Variants in CFAP90 observed in about 807,000 individuals in gnomAD.
CFAP90 encodes the protein cilia and flagella associated protein 90.
the CFAP90 span, among the ~76,000 whole-genome samples, chr5:7,846,303 A>C: frequency 1.3e-5 from 2 of 152,174 alleles, no homozygotes; most frequent in East Asian, 3.9e-4. Context: ...ATAGAAATAA[A>C]CTAAACAGAA....
the CFAP90 span, among the ~76,000 whole-genome samples, chr5:7,837,880 G>C: frequency 1.3e-5 from 2 of 152,206 alleles, no homozygotes; most frequent in Non-Finnish European, 2.9e-5. Flanking sequence ...CCGCTTGAAG[G>C]AGGAAAGCAA....
At chr5:7,835,908 TG>T in the CFAP90 span, among the ~76,000 whole-genome samples, 1 of 152,094 alleles carries the variant, frequency 6.6e-6, no homozygotes, top group African/African-American at 2.4e-5. Context: ...GCAACAGCAG[TG>T]TATTTCTCAC....
the CFAP90 span, among the ~76,000 whole-genome samples, chr5:7,840,560 TG>T: frequency 2.0e-5 from 3 of 152,104 alleles, no homozygotes; most frequent in Non-Finnish European, 4.4e-5. Flanking sequence ...GGCAATTGCT[TG>T]GGCTGAGGGT....
the CFAP90 span, among the ~76,000 whole-genome samples, chr5:7,833,300 CAT>C: frequency 4.1e-3 from 620 of 152,178 alleles, 6 homozygotes; most frequent in African/African-American, 0.013. Context: ...CATGTACACA[CAT>C]ATGTACACAC....
the CFAP90 span, among the ~76,000 whole-genome samples, chr5:7,841,271 C>G: frequency 6.6e-6 from 1 of 152,084 alleles, no homozygotes; most frequent in Non-Finnish European, 1.5e-5. Context: ...ATCAAAACCA[C>G]GATGAGATAC....
the CFAP90 span, among the ~76,000 whole-genome samples, chr5:7,843,647 C>G: frequency 6.6e-6 from 1 of 152,090 alleles, no homozygotes; most frequent in Non-Finnish European, 1.5e-5. Flanking sequence ...CCCTACTCAC[C>G]CCTCACCCCC....
At chr5:7,832,142 G>A in the CFAP90 span, 3 of 1,041,834 alleles carry the variant, frequency 2.9e-6, no homozygotes, top group African/African-American at 3.2e-5. Context: ...GTCCCACCAT[G>A]GTAGACCAAG....
chr5:7,850,492 G>C, the CFAP90 span, among the ~76,000 whole-genome samples: 4 of 151,220 alleles, frequency 2.6e-5, no homozygotes, highest in East Asian at 7.9e-4. Context: ...CCCCGGCGGC[G>C]CATCCCTGCC....
At chr5:7,831,754 G>T in the CFAP90 span, 2 of 1,234,158 alleles carry the variant, frequency 1.6e-6, no homozygotes, top group South Asian at 1.4e-5. Flanking sequence ...TAGGCGTCAT[G>T]AGAAGGGGAA....
chr5:7,842,660 T>C, the CFAP90 span, among the ~76,000 whole-genome samples: 1 of 152,114 alleles, frequency 6.6e-6, no homozygotes, highest in African/African-American at 2.4e-5. Context: ...TTCCAAGCAA[T>C]TGCACCAAGA....
At chr5:7,831,876 C>T in the CFAP90 span, 64 of 1,613,440 alleles carry the variant, frequency 4.0e-5, no homozygotes, top group Non-Finnish European at 5.0e-5. Context: ...TGCCCAAAGC[C>T]GGGTTCCTTG....
chr5:7,842,160 G>A, the CFAP90 span, among the ~76,000 whole-genome samples: 700 of 151,994 alleles, frequency 4.6e-3, 5 homozygotes, highest in African/African-American at 0.016. Context: ...AACCTGAGAA[G>A]CACTCTTACT....
At chr5:7,833,067 A>T in the CFAP90 span, among the ~76,000 whole-genome samples, 1 of 152,250 alleles carries the variant, frequency 6.6e-6, no homozygotes, top group South Asian at 2.1e-4. Context: ...CGTTGAAGGG[A>T]ATGTCTTAGC....
chr5:7,850,969 C>T, the CFAP90 span: 37 of 1,320,954 alleles, frequency 2.8e-5, no homozygotes, highest in East Asian at 5.2e-4. Context: ...GGGCGGCGGC[C>T]TGGGCTTGCC....
At chr5:7,835,015 GC>G in the CFAP90 span, among the ~76,000 whole-genome samples, 6 of 152,172 alleles carry the variant, frequency 3.9e-5, no homozygotes, top group African/African-American at 1.4e-4. Flanking sequence ...CTAAACCACG[GC>G]AATAAATATC....
At chr5:7,834,765 G>C in the CFAP90 span, among the ~76,000 whole-genome samples, 4 of 152,104 alleles carry the variant, frequency 2.6e-5, no homozygotes, top group Non-Finnish European at 5.9e-5. Context: ...ATAACACACT[G>C]TACAGATTGG....
chr5:7,837,421 G>GGTTTT, the CFAP90 span, among the ~76,000 whole-genome samples: 1 of 152,100 alleles, frequency 6.6e-6, no homozygotes, highest in East Asian at 1.9e-4. Context: ...ATGCTTGGTT[G>GGTTTT]GTTTTGTTTT....
chr5:7,835,572 G>T, the CFAP90 span: 491,536 of 823,632 alleles, frequency 0.6, 150,691 homozygotes, highest in African/African-American at 0.83. Flanking sequence ...GGAGCACAGA[G>T]GCCAGTTCTT....
chr5:7,833,910 G>A, the CFAP90 span, among the ~76,000 whole-genome samples: 1 of 152,240 alleles, frequency 6.6e-6, no homozygotes, highest in South Asian at 2.1e-4. Context: ...TGATGTTGGT[G>A]AAAATAAACC....
Sources: allele counts gnomAD v4.1 joint callset (sites outside exome capture counted in the v4.1 genomes callset), GRCh38; gene constraint gnomAD v4.1.1; transcripts MANE v1.5; gene names NCBI Gene and HGNC (gene_info 2026-07-23, HGNC 2026-07-21).